Variants in SMAD4 observed in about 807,000 individuals in gnomAD.
SMAD4 encodes SMAD family member 4, also known as MAD homolog 4.
Under a neutral mutation model 63.2 loss-of-function variants are expected in SMAD4, and 7 were observed. That is an observed-to-expected ratio of 0.11 (90% CI 0.06 to 0.21). SMAD4 has a LOEUF of 0.21. SMAD4 is among the 10% of genes least tolerant of loss of function. The probability of loss-of-function intolerance (pLI) is 1.00; values close to 1 mark genes in which losing one functional copy is unlikely to be tolerated. For synonymous variants in SMAD4, 215 were observed against 235.4 expected (o/e 0.91, Z 0.79); for missense variants, 312 against 693.8 (o/e 0.45, Z 6.18).
At chr18:51,043,521 T>C (rs1909450119) in intron 1 of SMAD4, among the ~76,000 whole-genome samples, 1 of 152,220 alleles carries the variant, frequency 6.6e-6, no homozygotes. Flanking sequence ...AACCATTTAA[T>C]GTAGGAATAC....
chr18:51,058,436 C>T lies in SMAD4; in HGVS notation c.884C>T (p.Pro295Leu), dbSNP rs370176106. 1.9e-5 allele frequency: 31 copies of T among 1,613,400 alleles called. No homozygotes were observed. Among genetic ancestry groups the T allele is most frequent in the Admixed American group, 3.3e-5 (2 of 59,992 alleles). The part of the protein sequence containing the change: ...NGHLQHHPPM[P>L]PHPGHYWPVH... ...CATCTTCAGCACCACCCGCCTATGCCGCCCCATCCCGGACATTACTGTAAG... is the reference window on the plus strand; with the variant it reads ...CATCTTCAGCACCACCCGCCTATGCTGCCCCATCCCGGACATTACTGTAAG... The change falls in exon 7 of 12, where the codon CCG (proline) becomes CTG (leucine). Residue 295 changes from proline (P) to leucine (L), a missense_variant. Around this residue, in one of 4 missense-constraint regions of SMAD4, gnomAD observed 169 missense variants for 211.0 expected, o/e 0.80. Coordinates refer to ENST00000342988, the MANE Select transcript of SMAD4 (RefSeq NM_005359.6).
chr18:51,038,701 ACT>A (rs1909283617), intron 1 of SMAD4, among the ~76,000 whole-genome samples: 1 of 152,166 alleles, frequency 6.6e-6, no homozygotes, highest in Non-Finnish European at 1.5e-5. Context: ...AAACAGTGTT[ACT>A]CTGATTCCTG....
At chr18:51,072,046 A>G (rs940985651) in intron 10 of SMAD4, among the ~76,000 whole-genome samples, 1 of 152,212 alleles carries the variant, frequency 6.6e-6, no homozygotes, top group Non-Finnish European at 1.5e-5. Context: ...TATGTTATGA[A>G]GGATACTGCT....
intron 1 of SMAD4, among the ~76,000 whole-genome samples, chr18:51,044,741 A>G (rs1289530542): frequency 4.6e-5 from 7 of 152,174 alleles, no homozygotes; most frequent in Non-Finnish European, 7.4e-5. Context: ...ACTGAACACT[A>G]TGTATCAGAC....
chr18:51,039,963 A>G (rs1333650712), intron 1 of SMAD4, among the ~76,000 whole-genome samples: 1 of 152,180 alleles, frequency 6.6e-6, no homozygotes, highest in Non-Finnish European at 1.5e-5. Context: ...CCTCAGTTTG[A>G]AGAACCTCAA....
intron 10 of SMAD4, among the ~76,000 whole-genome samples, chr18:51,074,562 T>C (rs978941501): frequency 2.6e-5 from 4 of 152,166 alleles, no homozygotes; most frequent in Admixed American, 2.6e-4. Flanking sequence ...ATTGTGCCAC[T>C]GTAGTGGGGA....
intron 10 of SMAD4, among the ~76,000 whole-genome samples, chr18:51,071,712 A>G (rs1445045814): frequency 6.6e-6 from 1 of 152,122 alleles, no homozygotes. Flanking sequence ...AGTCATTACT[A>G]CTCAATTTTG....
intron 10 of SMAD4, among the ~76,000 whole-genome samples, chr18:51,069,416 T>C (rs1049586543): frequency 6.6e-6 from 1 of 152,316 alleles, no homozygotes; most frequent in Non-Finnish European, 1.5e-5. Flanking sequence ...GCCTGGCCTT[T>C]TGTTGTTATT....
intron 1 of SMAD4, among the ~76,000 whole-genome samples, chr18:51,041,655 A>C (rs1172210491): frequency 6.6e-6 from 1 of 152,176 alleles, no homozygotes; most frequent in African/African-American, 2.4e-5. Flanking sequence ...GTCAAACATG[A>C]GCAGAAGTGG....
rs1277351455 is a variant in SMAD4, at chr18:51,038,603, TATC to T, written c.-128+7983_-128+7985del. Among the ~76,000 whole-genome samples, 4 of 152,316 alleles carry T rather than the reference TATC, an allele frequency of 2.6e-5. No individual in the cohort carries two copies. The East Asian group carries it at 5.8e-4, about 22-fold the overall frequency. ...TTCATGTACTTTAAACAAAACAACA[TATC>T]ATAGCAGATTGAATGCAGAAGCAGA... On this transcript the variant is annotated intron_variant, in intron 1 of 11. Coordinates refer to ENST00000342988, the MANE Select transcript of SMAD4 (RefSeq NM_005359.6).
Position 51,079,785 on chromosome 18 carries a change from G to A in SMAD4, c.*1318G>A, listed in dbSNP as rs1910564268. The A allele has an allele frequency of 4.3e-6, 1 of 232,760 alleles. No homozygotes were observed. Among genetic ancestry groups the A allele is most frequent in the Non-Finnish European group, 8.5e-6 (1 of 117,730 alleles). The allele number at this position is 232,760 out of a possible 1,614,324, so 14.4% of individuals were successfully genotyped here. ...AAACTGAATCTCAACATACAAAGTT[G>A]AATTCTAGGTTTGATTTTTAAGATT... On this transcript the variant is annotated 3_prime_UTR_variant, in exon 12 of 12. Transcript: ENST00000342988.
At chr18:51,062,851 G>GTTTTTTCTTT (rs1910052540) in intron 8 of SMAD4, among the ~76,000 whole-genome samples, 1 of 65,384 alleles carries the variant, frequency 1.5e-5, no homozygotes. Context: ...GGCTTTACTT[G>GTTTTTTCTTT]TTTTTTTTTT....
intron 2 of SMAD4, 52 bp from the exon 3 acceptor site, chr18:51,048,634 A>G (rs1909615489): frequency 6.7e-7 from 1 of 1,482,840 alleles, no homozygotes; most frequent in Non-Finnish European, 9.4e-7. Flanking sequence ...AGAATATATA[A>G]AAGTGTCTTG....
chr18:51,030,348 C>T lies in SMAD4; in HGVS notation c.-403C>T, dbSNP rs1023207911. The stretch of plus-strand genomic sequence containing the variant: ...CTCTCCTCGGGAGGCCCTTCCTGCT[C>T]TCCCCTAGGCTCCGCGGCCGCCCAG... On this transcript the variant is annotated 5_prime_UTR_variant, in exon 1 of 12. Transcript: ENST00000342988. The T allele has an allele frequency of 2.0e-5, 3 of 152,442 alleles. No individual in the cohort carries two copies. Among genetic ancestry groups the T allele is most frequent in the Non-Finnish European group, 2.9e-5 (2 of 67,966 alleles). The allele number at this position is 152,442 out of a possible 1,614,324, so 9.4% of individuals were successfully genotyped here.
At chr18:51,033,369 T>G (rs1014971081) in intron 1 of SMAD4, among the ~76,000 whole-genome samples, 2 of 152,148 alleles carry the variant, frequency 1.3e-5, no homozygotes, top group African/African-American at 4.8e-5. Flanking sequence ...TTTGTGTTTT[T>G]AGTAGAGACG....
In SMAD4 at chr18:51,058,485, A is replaced by ATT. The variant is rs386387676; in HGVS notation, c.904+44_904+45dup. 243,431 of 1,051,868 alleles carry ATT rather than the reference A, an allele frequency of 0.23. 8,895 individuals carry two copies. The highest frequency in any genetic ancestry group is 0.3 in the East Asian group (11,293 of 37,786). The allele number at this position is 1,051,868 out of a possible 1,614,324, so 65.2% of individuals were successfully genotyped here. On this transcript the variant is annotated intron_variant, in intron 7 of 11. Transcript: ENST00000342988. Reference sequence around the variant, plus strand: ...AGCTCTTGTTTTTGTTGTAAGGGCTATTTTTTTTTTTTTTTTGGTAGGGCT... The same window carrying ATT: ...AGCTCTTGTTTTTGTTGTAAGGGCTATTTTTTTTTTTTTTTTTTGGTAGGGCT...
chr18:51,033,522 A>G (rs1282301713), intron 1 of SMAD4, among the ~76,000 whole-genome samples: 2 of 152,220 alleles, frequency 1.3e-5, no homozygotes, highest in Non-Finnish European at 2.9e-5. Flanking sequence ...TTGTAAAATT[A>G]TCACATTTTG....
intron 8 of SMAD4, among the ~76,000 whole-genome samples, chr18:51,064,908 A>G (rs970674561): frequency 6.6e-6 from 1 of 152,148 alleles, no homozygotes; most frequent in Non-Finnish European, 1.5e-5. Flanking sequence ...CTTTCTCTCA[A>G]TTAGGGAATC....
chr18:51,050,856 C>G (rs1407462163), intron 4 of SMAD4, among the ~76,000 whole-genome samples: 6 of 151,604 alleles, frequency 4.0e-5, no homozygotes, highest in Non-Finnish European at 7.4e-5. Context: ...TCCCATATCA[C>G]TGGTAATGGA....
Sources: allele counts gnomAD v4.1 joint callset (sites outside exome capture counted in the v4.1 genomes callset), GRCh38; gene constraint gnomAD v4.1.1; regional missense constraint gnomAD v4.1.1; transcripts MANE v1.5; gene names NCBI Gene and HGNC (gene_info 2026-07-23, HGNC 2026-07-21).